AGBL4: variants seen among roughly 807,000 people sequenced by gnomAD.
The protein encoded by AGBL4 is AGBL carboxypeptidase 4, also known as cytosolic carboxypeptidase 6.
A neutral mutation model predicts 66.4 loss-of-function variants in AGBL4; 58 were observed. That is an observed-to-expected ratio of 0.87 (90% CI 0.71 to 1.09). AGBL4 has a LOEUF of 1.09. AGBL4 is among the 50% of genes least tolerant of loss of function. The pLI, the probability that AGBL4 is intolerant of heterozygous loss-of-function variation, is 0.00. For synonymous variants in AGBL4, 234 were observed against 222.9 expected (o/e 1.05, Z -0.44); for missense variants, 579 against 631.0 (o/e 0.92, Z 0.88).
intron 3 of AGBL4, among the ~76,000 whole-genome samples, chr1:49,368,496 A>G (rs1368032060): frequency 6.6e-6 from 1 of 151,990 alleles, no homozygotes; most frequent in Non-Finnish European, 1.5e-5. Flanking sequence ...TTTTTTTTAC[A>G]GATTAAAGTA....
chr1:49,697,171 C>G lies in AGBL4; in HGVS notation c.282+142G>C, dbSNP rs367666041. 91 of 950,624 alleles carry G rather than the reference C, an allele frequency of 9.6e-5. No individual in the cohort carries two copies. The East Asian group carries it at 2.3e-3, about 24-fold the overall frequency. 58.9% of individuals were successfully genotyped at this position (950,624 alleles called of 1,614,324 possible). On this transcript the variant is annotated intron_variant, in intron 3 of 13. Coordinates refer to ENST00000371839, the MANE Select transcript of AGBL4 (RefSeq NM_032785.4). Reference sequence around the variant, plus strand: ...ACATATTGTATCTATTTCTCTGCATCTCTTGAACCAAAACTGTATCATTGC... The same window carrying G: ...ACATATTGTATCTATTTCTCTGCATGTCTTGAACCAAAACTGTATCATTGC...
chr1:49,383,897 GGC>G (rs1644678093), intron 3 of AGBL4, among the ~76,000 whole-genome samples: 1 of 151,884 alleles, frequency 6.6e-6, no homozygotes, highest in South Asian at 2.1e-4. Context: ...CCCAGATTCA[GGC>G]GATTCCCCTG....
intron 6 of AGBL4, among the ~76,000 whole-genome samples, chr1:48,701,259 A>C (rs188997886): frequency 1.6e-4 from 24 of 151,930 alleles, no homozygotes; most frequent in Admixed American, 6.5e-4. Context: ...ACACATTCAG[A>C]CCTGGGAAGA....
At position 48,634,605 on chromosome 1, in the gene AGBL4, C is replaced by T. The variant is rs1344524372; in HGVS notation, c.840-1G>A. 1.9e-6 allele frequency: 3 copies of T among 1,588,188 alleles called. No homozygotes were observed. The highest frequency in any genetic ancestry group is 2.3e-5 in the East Asian group (1 of 43,878). ...CAGATCAAATCCCATCAGAGAACAC[C>T]TAGGCAGTACCCAAAGTAAGAGTCA... On this transcript the variant is annotated splice_acceptor_variant, in intron 8 of 13. Transcript: ENST00000371839. LOFTEE classifies it high-confidence loss of function.
chr1:49,809,497 CA>C lies in AGBL4; in HGVS notation c.157+41898del, dbSNP rs368835940. ...ACTATGAACTTACAGGTCTATAAAC[CA>C]AAGTATAAAAGGAGCATTGCAACAT... is the stretch of plus-strand genomic sequence containing the variant. On this transcript the variant is annotated intron_variant, in intron 2 of 13. Transcript: ENST00000371839. Among the ~76,000 whole-genome samples, 50 of 152,038 alleles carry C rather than the reference CA, an allele frequency of 3.3e-4. 1 individual carries two copies. The South Asian group carries it at 9.6e-3, about 29-fold the overall frequency.
chr1:48,658,701 G>C (rs370902105), intron 7 of AGBL4, among the ~76,000 whole-genome samples: 2 of 148,572 alleles, frequency 1.3e-5, no homozygotes, highest in East Asian at 3.9e-4. Context: ...AGCGAGAAGA[G>C]GAAGAACAGG....
intron 3 of AGBL4, among the ~76,000 whole-genome samples, chr1:49,643,297 G>C (rs1474222068): frequency 2.0e-5 from 3 of 151,180 alleles, no homozygotes; most frequent in African/African-American, 7.3e-5. Context: ...GAGTAATAGA[G>C]GGGAAAAAAA....
chr1:49,883,433 T>A (rs942748867), intron 1 of AGBL4, among the ~76,000 whole-genome samples: 1 of 152,126 alleles, frequency 6.6e-6, no homozygotes, highest in Non-Finnish European at 1.5e-5. Context: ...TGTTTATACC[T>A]TTCTTACAGA....
chr1:48,924,891 T>G (rs1388398937), intron 5 of AGBL4, among the ~76,000 whole-genome samples: 1 of 152,092 alleles, frequency 6.6e-6, no homozygotes, highest in Non-Finnish European at 1.5e-5. Flanking sequence ...AAATTTTAAA[T>G]GTACTTTGAA....
intron 6 of AGBL4, among the ~76,000 whole-genome samples, chr1:48,777,308 G>C (rs1312872478): frequency 6.6e-6 from 1 of 152,068 alleles, no homozygotes; most frequent in African/African-American, 2.4e-5. Context: ...AAGTAGAGAA[G>C]TGTATGAGTG....
At chr1:49,794,132 A>G (rs1644673919) in intron 2 of AGBL4, among the ~76,000 whole-genome samples, 1 of 151,924 alleles carries the variant, frequency 6.6e-6, no homozygotes, top group Non-Finnish European at 1.5e-5. Context: ...AAACAACATG[A>G]CTGTGTTTGT....
At chr1:49,662,655 T>C (rs147852029) in intron 3 of AGBL4, among the ~76,000 whole-genome samples, 97 of 152,250 alleles carry the variant, frequency 6.4e-4, no homozygotes, top group East Asian at 6.0e-3. Flanking sequence ...ATCCAAACAC[T>C]AGGAAGAGAT....
intron 5 of AGBL4, among the ~76,000 whole-genome samples, chr1:48,875,943 G>A (rs753759974): frequency 6.6e-6 from 1 of 152,106 alleles, no homozygotes; most frequent in Non-Finnish European, 1.5e-5. Context: ...TTAGTTGTGA[G>A]GGATGAGGGA....
chr1:49,379,983 G>A (rs1339423106), intron 3 of AGBL4, among the ~76,000 whole-genome samples: 2 of 152,092 alleles, frequency 1.3e-5, no homozygotes, highest in Non-Finnish European at 2.9e-5. Context: ...TCAACATAGT[G>A]TTGGAAGTTC....
At chr1:49,519,173 C>G (rs1650064923) in intron 3 of AGBL4, among the ~76,000 whole-genome samples, 1 of 151,962 alleles carries the variant, frequency 6.6e-6, no homozygotes, top group Non-Finnish European at 1.5e-5. Flanking sequence ...CATCAGAATA[C>G]CAAACCTGAC....
rs192883445 is a variant in AGBL4 at position 48,551,820 on chromosome 1, A to C, written c.1268-12082T>G. Among the ~76,000 whole-genome samples the C allele has an allele frequency of 1.6e-3, 239 of 152,024 alleles. 1 individual carries two copies. Among genetic ancestry groups the C allele is most frequent in the African/African-American group, 5.5e-3 (230 of 41,460 alleles). On this transcript the variant is annotated intron_variant, in intron 11 of 13. Transcript: ENST00000371839. ...AAAACGTTTCCCTGGAGCAGGGGAT[A>C]TCCTTTCTGACCAAGCAGATGTGCA... is the stretch of plus-strand genomic sequence containing the variant.
At chr1:49,862,601 A>G (rs1205370903) in intron 1 of AGBL4, among the ~76,000 whole-genome samples, 1 of 152,156 alleles carries the variant, frequency 6.6e-6, no homozygotes, top group Non-Finnish European at 1.5e-5. Context: ...TTAATAATCA[A>G]ACTCCTAAAG....
rs1211591500 is a variant in AGBL4 at position 49,371,258 on chromosome 1, TAC to T, written c.283-125396_283-125395del. Among the ~76,000 whole-genome samples, 122 of 148,478 alleles carry T rather than the reference TAC, an allele frequency of 8.2e-4. 1 individual carries two copies. The highest frequency in any genetic ancestry group is 3.0e-3 in the African/African-American group (118 of 38,784). On this transcript the variant is annotated intron_variant, in intron 3 of 13. Coordinates refer to ENST00000371839, the MANE Select transcript of AGBL4 (RefSeq NM_032785.4). ...ATAGATAGATAGATAGATACATACA[TAC>T]ATACATACATACATACATACATACA...
chr1:49,805,152 A>G (rs1644948404), intron 2 of AGBL4, among the ~76,000 whole-genome samples: 3 of 152,238 alleles, frequency 2.0e-5, no homozygotes, highest in Non-Finnish European at 2.9e-5. Context: ...ATGATGGAGA[A>G]GGAAAACAAG....
Sources: allele counts gnomAD v4.1 joint callset (sites outside exome capture counted in the v4.1 genomes callset), GRCh38; gene constraint gnomAD v4.1.1; transcripts MANE v1.5; gene names NCBI Gene and HGNC (gene_info 2026-07-23, HGNC 2026-07-21).